The following DGKB variants were observed in gnomAD, a reference collection of about 807,000 sequenced individuals.
DGKB encodes 90 kDa diacylglycerol kinase.
In DGKB, 67 loss-of-function variants were observed where a neutral mutation model predicts 114.3. That is an observed-to-expected ratio of 0.59 (90% CI 0.48 to 0.72). The LOEUF is 0.72. Among genes scored for constraint, DGKB ranks in the 30% least tolerant of loss-of-function variants. The pLI, the probability that DGKB is intolerant of heterozygous loss-of-function variation, is 0.00. For missense variants in DGKB, 907 were observed against 975.2 expected, an observed-to-expected ratio of 0.93 and a Z score of 0.93; for synonymous variants, 398 against 323.1, an observed-to-expected ratio of 1.23 and a Z score of -2.49.
intron 13 of DGKB, among the ~76,000 whole-genome samples, chr7:14,660,930 C>A (rs1816930936): frequency 6.6e-6 from 1 of 151,242 alleles, no homozygotes; most frequent in Non-Finnish European, 1.5e-5. Flanking sequence ...CTTTGACAAA[C>A]CTGAGAAAAA....
chr7:14,952,985 G>A (rs1786291526), intron 1 of DGKB, among the ~76,000 whole-genome samples: 1 of 151,956 alleles, frequency 6.6e-6, no homozygotes, highest in African/African-American at 2.4e-5. Context: ...TCAACAAATG[G>A]TGTTTTAGCA....
chr7:14,398,932 G>T (rs1185055679), intron 21 of DGKB, among the ~76,000 whole-genome samples: 1 of 151,924 alleles, frequency 6.6e-6, no homozygotes, highest in East Asian at 1.9e-4. Flanking sequence ...CTGCTCGAAT[G>T]CAACCCCAAC....
chr7:14,416,517 G>A lies in DGKB; in HGVS notation c.1835+61644C>T, dbSNP rs568100961. Among the ~76,000 whole-genome samples, 6 of 152,158 alleles carry A rather than the reference G, an allele frequency of 3.9e-5. No homozygotes were observed. In the East Asian group the frequency reaches 9.7e-4, roughly 25 times the overall value. The stretch of plus-strand genomic sequence containing the variant: ...CACCCAAATCTCATCTTGAATTGTA[G>A]CTCCCATAATTCCCACGTGGTGTGG... On this transcript the variant is annotated intron_variant, in intron 21 of 25. Transcript: ENST00000402815.
intron 23 of DGKB, chr7:14,192,064 TG>T: frequency 2.3e-6 from 1 of 440,550 alleles, no homozygotes. Flanking sequence ...ATAGTCGCTG[TG>T]GGTGTCATCA....
chr7:14,545,316 G>A (rs760123073), intron 20 of DGKB, among the ~76,000 whole-genome samples: 2 of 152,130 alleles, frequency 1.3e-5, no homozygotes, highest in Non-Finnish European at 2.9e-5. Context: ...AATTAACTAT[G>A]AGTATGAGTG....
chr7:14,580,068 G>A (rs1799703207), intron 19 of DGKB, among the ~76,000 whole-genome samples: 1 of 152,142 alleles, frequency 6.6e-6, no homozygotes, highest in African/African-American at 2.4e-5. Flanking sequence ...TCTGCAAAAT[G>A]TTTTAAGACC....
intron 20 of DGKB, among the ~76,000 whole-genome samples, chr7:14,492,818 T>A (rs983941252): frequency 5.9e-5 from 9 of 152,090 alleles, no homozygotes; most frequent in Non-Finnish European, 1.2e-4. Flanking sequence ...TCAATACAAT[T>A]ACACATTTAA....
intron 4 of DGKB, among the ~76,000 whole-genome samples, chr7:14,751,632 C>T (rs775881652): frequency 3.2e-4 from 48 of 152,160 alleles, no homozygotes; most frequent in Non-Finnish European, 5.6e-4. Context: ...AGCAATACAA[C>T]AGACAATAGC....
chr7:14,784,353 G>A (rs941002557), intron 2 of DGKB, among the ~76,000 whole-genome samples: 3 of 148,242 alleles, frequency 2.0e-5, no homozygotes, highest in African/African-American at 7.5e-5. Flanking sequence ...TTCACCATCC[G>A]TCCAAATTAT....
intron 21 of DGKB, among the ~76,000 whole-genome samples, chr7:14,393,539 C>T (rs996147913): frequency 2.0e-5 from 3 of 152,130 alleles, no homozygotes; most frequent in African/African-American, 4.8e-5. Flanking sequence ...GCATCTTGGA[C>T]TGCAAAGTAT....
At chr7:14,289,864 C>G (rs993972639) in intron 23 of DGKB, among the ~76,000 whole-genome samples, 1 of 151,664 alleles carries the variant, frequency 6.6e-6, no homozygotes, top group African/African-American at 2.4e-5. Context: ...GCAAACGGAA[C>G]TTTGCAAATC....
chr7:14,898,711 G>A (rs1027700283), intron 1 of DGKB, among the ~76,000 whole-genome samples: 1 of 152,002 alleles, frequency 6.6e-6, no homozygotes. Flanking sequence ...ATGAATCAGG[G>A]CCAACAATGT....
chr7:14,188,891 T>A (rs557712327), intron 23 of DGKB, among the ~76,000 whole-genome samples: 26 of 151,836 alleles, frequency 1.7e-4, no homozygotes, highest in Non-Finnish European at 3.1e-4. Flanking sequence ...TTCAAAGTGC[T>A]GAAAGAAAAA....
intron 2 of DGKB, among the ~76,000 whole-genome samples, chr7:14,773,645 T>C (rs1367525824): frequency 2.0e-5 from 3 of 151,398 alleles, no homozygotes; most frequent in South Asian, 2.1e-4. Flanking sequence ...TTCACATATA[T>C]AGTAATATAA....
At chr7:14,883,802 A>G (rs1854604235) in intron 1 of DGKB, among the ~76,000 whole-genome samples, 1 of 152,014 alleles carries the variant, frequency 6.6e-6, no homozygotes, top group African/African-American at 2.4e-5. Flanking sequence ...GTCATAACAA[A>G]TGCTGTAGTG....
intron 4 of DGKB, among the ~76,000 whole-genome samples, chr7:14,737,700 C>T (rs1014804997): frequency 1.1e-4 from 17 of 151,988 alleles, no homozygotes; most frequent in Admixed American, 3.3e-4. Flanking sequence ...TTTCACTTTG[C>T]TTATTGATTC....
chr7:14,376,324 A>G (rs1248578509), intron 21 of DGKB, among the ~76,000 whole-genome samples: 1 of 152,218 alleles, frequency 6.6e-6, no homozygotes, highest in Non-Finnish European at 1.5e-5. Context: ...ATTTCTGAAA[A>G]TTCGCCTTAA....
intron 1 of DGKB, among the ~76,000 whole-genome samples, chr7:14,913,289 G>A (rs566613357): frequency 1.8e-4 from 27 of 151,760 alleles, no homozygotes; most frequent in Non-Finnish European, 2.9e-5. Flanking sequence ...TTCACCCTCT[G>A]TTGACTACCT....
chr7:14,738,688 T>A (rs796557658), intron 4 of DGKB, among the ~76,000 whole-genome samples: 1 of 152,222 alleles, frequency 6.6e-6, no homozygotes, highest in Non-Finnish European at 1.5e-5. Flanking sequence ...AAAGCCACAT[T>A]ACTTCACATG....
Sources: allele counts gnomAD v4.1 joint callset (sites outside exome capture counted in the v4.1 genomes callset), GRCh38; gene constraint gnomAD v4.1.1; transcripts MANE v1.5; gene names NCBI Gene and HGNC (gene_info 2026-07-23, HGNC 2026-07-21).